The following CAMKK1 variants were observed in gnomAD, a reference collection of about 807,000 sequenced individuals.
CAMKK1 encodes the protein calcium/calmodulin-dependent protein kinase kinase 1.
CAMKK1 carries 20 observed loss-of-function variants against 63.5 expected under a neutral mutation model. That is an observed-to-expected ratio of 0.32 (90% CI 0.22 to 0.46). The LOEUF (loss-of-function observed/expected upper bound fraction) is 0.46, where lower values mean the gene tolerates loss of function less well. Among genes scored for constraint, CAMKK1 ranks in the 20% least tolerant of loss-of-function variants. The pLI is 1.00. For synonymous variants in CAMKK1, 253 were observed against 269.0 expected (o/e 0.94, Z 0.58); for missense variants, 588 against 658.1 (o/e 0.89, Z 1.17).
intron 10 of CAMKK1, among the ~76,000 whole-genome samples, chr17:3,874,345 T>A (rs1189245161): frequency 6.6e-6 from 1 of 152,136 alleles, no homozygotes; most frequent in East Asian, 1.9e-4. Flanking sequence ...GGACAACTGA[T>A]AACATTTAAA....
chr17:3,870,799 C>A (rs1443592157), intron 12 of CAMKK1, among the ~76,000 whole-genome samples: 1 of 152,058 alleles, frequency 6.6e-6, no homozygotes, highest in African/African-American at 2.4e-5. Context: ...TTTAAAATTC[C>A]TGGGCTGAGG....
Position 3,883,210 on chromosome 17 carries a change from AG to A in CAMKK1, c.515-36del. The stretch of plus-strand genomic sequence containing the variant: ...GGAAGAGAACTCAAACACCTGTTCC[AG>A]GTGGCTGGGCCTCACCGTGGCCCCC... On this transcript the variant is annotated intron_variant, in intron 5 of 15. Coordinates refer to ENST00000348335, the MANE Select transcript of CAMKK1 (RefSeq NM_032294.3). This position sits in a 1 kb window ranked among gnomAD's most constrained non-coding sequence, Gnocchi z 4.7. The A allele has an allele frequency of 6.2e-7, 1 of 1,605,630 alleles. No homozygotes were observed. The highest frequency in any genetic ancestry group is 8.5e-7 in the Non-Finnish European group (1 of 1,179,028).
intron 9 of CAMKK1, among the ~76,000 whole-genome samples, chr17:3,877,031 T>G (rs34900208): frequency 0.36 from 53,935 of 151,724 alleles, 10,309 homozygotes; most frequent in Non-Finnish European, 0.41. Context: ...GTGCTGGGAT[T>G]ACAGGCGTGA....
intron 12 of CAMKK1, among the ~76,000 whole-genome samples, chr17:3,871,667 C>T (rs1181272286): frequency 3.5e-5 from 5 of 142,628 alleles, no homozygotes; most frequent in African/African-American, 1.3e-4. Flanking sequence ...TATTCAGTTT[C>T]TTTCTTCTGT....
At position 3,882,143 on chromosome 17, in the gene CAMKK1, T is replaced by C; in HGVS notation, c.685+385A>G. On this transcript the variant is annotated intron_variant, in intron 7 of 15. Transcript: ENST00000348335. This position sits in a 1 kb window ranked among gnomAD's most constrained non-coding sequence, Gnocchi z 4.3. ...TTTACATATAATTACTCATTTACTC[T>C]TCACAGGAACCCTATGAGGTAGACA... 1 of 689,382 alleles carries C rather than the reference T, an allele frequency of 1.5e-6. No individual in the cohort carries two copies. The highest frequency in any genetic ancestry group is 2.7e-5 in the Admixed American group (1 of 37,734). The allele number at this position is 689,382 out of a possible 1,614,324, so 42.7% of individuals were successfully genotyped here.
intron 14 of CAMKK1, among the ~76,000 whole-genome samples, chr17:3,868,210 C>A (rs1383302329): frequency 2.4e-4 from 4 of 16,452 alleles, no homozygotes; most frequent in African/African-American, 6.5e-4. Context: ...GATACGTGGG[C>A]TCTGGGGGAG....
At chr17:3,869,195 G>A (rs1423121334) in intron 14 of CAMKK1, among the ~76,000 whole-genome samples, 1 of 151,852 alleles carries the variant, frequency 6.6e-6, no homozygotes, top group Non-Finnish European at 1.5e-5. Context: ...CTGACCTCGT[G>A]ATCTGCCCGC....
chr17:3,892,991 T>TGCTGC lies in CAMKK1; in HGVS notation c.-101_-97dup, dbSNP rs2055959347. The TGCTGC allele has an allele frequency of 1.4e-5, 2 of 147,048 alleles. No individual in the cohort carries two copies. The highest frequency in any genetic ancestry group is 3.8e-4 in the South Asian group (2 of 5,320). 9.1% of individuals were successfully genotyped at this position (147,048 alleles called of 1,614,324 possible). On this transcript the variant is annotated 5_prime_UTR_variant, in exon 1 of 16. Coordinates refer to ENST00000348335, the MANE Select transcript of CAMKK1 (RefSeq NM_032294.3). The surrounding 1 kb of genome is among the most constrained non-coding windows in gnomAD (Gnocchi z 7.5). ...CCCGGCGGGCGGCCCCACTCGCTCC[T>TGCTGC]GCTGCGCGCCCCGCCCCGCCCCGCC...
chr17:3,867,696 G>C (rs920340321), intron 14 of CAMKK1, among the ~76,000 whole-genome samples: 1 of 152,124 alleles, frequency 6.6e-6, no homozygotes, highest in Admixed American at 6.6e-5. Context: ...GCTGGTCCCA[G>C]CTGGGCCGGG....
chr17:3,880,089 T>C (rs1285438415), intron 9 of CAMKK1: 4 of 508,338 alleles, frequency 7.9e-6, no homozygotes, highest in African/African-American at 3.9e-5. Context: ...AGAAGAAAGA[T>C]ACAGAACAGC....
At chr17:3,871,545 A>G (rs561001989) in intron 12 of CAMKK1, among the ~76,000 whole-genome samples, 1 of 147,210 alleles carries the variant, frequency 6.8e-6, no homozygotes, top group Non-Finnish European at 1.5e-5. Flanking sequence ...TTTAGTAGAG[A>G]TGGGGTTTCA....
chr17:3,884,166 G>A lies in CAMKK1; in HGVS notation c.408+214C>T, dbSNP rs1303316094. ...TCCATGCCTCCCTCAGTCCCTCCTT[G>A]TCCACTGTCAAGAACTCAGAGAGTC... On this transcript the variant is annotated intron_variant, in intron 3 of 15. Coordinates refer to ENST00000348335, the MANE Select transcript of CAMKK1 (RefSeq NM_032294.3). This position sits in a 1 kb window ranked among gnomAD's most constrained non-coding sequence, Gnocchi z 4.5. 1.3e-5 allele frequency among the ~76,000 whole-genome samples: 2 copies of A among 152,048 alleles called. No homozygotes were observed. Among genetic ancestry groups the A allele is most frequent in the African/African-American group, 4.8e-5 (2 of 41,392 alleles).
chr17:3,865,160 G>A, intron 15 of CAMKK1: 2 of 985,644 alleles, frequency 2.0e-6, no homozygotes, highest in Non-Finnish European at 1.2e-6. Flanking sequence ...GGCCTTATTA[G>A]CATCCCAGAC....
In CAMKK1 at chr17:3,889,024, C is replaced by T. The variant is rs113484478; in HGVS notation, c.-43-3294G>A. ...GCAGGTGTGTTTATGCGCCTGTGTG[C>T]CTGCAGGTCTCCGTGTACCTATGCC... On this transcript the variant is annotated intron_variant, in intron 1 of 15. Transcript: ENST00000348335. The surrounding 1 kb of genome is among the most constrained non-coding windows in gnomAD (Gnocchi z 5.2). Among the ~76,000 whole-genome samples the T allele has an allele frequency of 6.6e-6, 1 of 152,100 alleles. No homozygotes were observed. Among genetic ancestry groups the T allele is most frequent in the Admixed American group, 6.5e-5 (1 of 15,292 alleles).
At position 3,890,551 on chromosome 17, in the gene CAMKK1, C is replaced by T. The variant is rs1042186917; in HGVS notation, c.-44+2388G>A. 4 of 732,998 alleles carry T rather than the reference C, an allele frequency of 5.5e-6. No individual in the cohort carries two copies. Among genetic ancestry groups the T allele is most frequent in the African/African-American group, 1.7e-5 (1 of 58,338 alleles). The allele number at this position is 732,998 out of a possible 1,614,324, so 45.4% of individuals were successfully genotyped here. On this transcript the variant is annotated intron_variant, in intron 1 of 15. Coordinates refer to ENST00000348335, the MANE Select transcript of CAMKK1 (RefSeq NM_032294.3). This position sits in a 1 kb window ranked among gnomAD's most constrained non-coding sequence, Gnocchi z 6.5. ...CAACTCAGCATCTTCCCCAAACCTG[C>T]TCGTCCTCCTCTGTCTCCATTGCGA...
chr17:3,871,571 T>C lies in CAMKK1; in HGVS notation c.1124+983A>G, dbSNP rs554178290. ...TGGGGTTTCACCGTGTTAGCCAGGATGGTCTCGATCTCCTGACCTCGTGAT... is the reference window on the plus strand; with the variant it reads ...TGGGGTTTCACCGTGTTAGCCAGGACGGTCTCGATCTCCTGACCTCGTGAT... On this transcript the variant is annotated intron_variant, in intron 12 of 15. Coordinates refer to ENST00000348335, the MANE Select transcript of CAMKK1 (RefSeq NM_032294.3). 3.2e-4 allele frequency among the ~76,000 whole-genome samples: 48 copies of C among 150,200 alleles called. 1 individual carries two copies. In the East Asian group the frequency reaches 4.1e-3, roughly 13 times the overall value.
intron 12 of CAMKK1, among the ~76,000 whole-genome samples, chr17:3,871,408 G>A (rs1219447517): frequency 2.3e-5 from 3 of 128,932 alleles, no homozygotes; most frequent in Non-Finnish European, 4.7e-5. Flanking sequence ...AGGCTGGAGT[G>A]CAGTAGCACG....
In CAMKK1 at chr17:3,871,563, A is replaced by G. The variant is rs187184769; in HGVS notation, c.1124+991T>C. On this transcript the variant is annotated intron_variant, in intron 12 of 15. Coordinates refer to ENST00000348335, the MANE Select transcript of CAMKK1 (RefSeq NM_032294.3). Reference sequence around the variant, plus strand: ...AGTAGAGATGGGGTTTCACCGTGTTAGCCAGGATGGTCTCGATCTCCTGAC... The same window carrying G: ...AGTAGAGATGGGGTTTCACCGTGTTGGCCAGGATGGTCTCGATCTCCTGAC... Among the ~76,000 whole-genome samples, 1,000 of 146,330 alleles carry G rather than the reference A, an allele frequency of 6.8e-3. 48 individuals carry two copies. The highest frequency in any genetic ancestry group is 0.022 in the African/African-American group (836 of 38,834).
Position 3,884,313 on chromosome 17 carries a change from G to T in CAMKK1, c.408+67C>A. ...CTCTGCCTCCCGTTCCCTCCCACAC[G>T]AGAGAAGGAGCAGCGCCAAACAGAG... On this transcript the variant is annotated intron_variant, in intron 3 of 15. Coordinates refer to ENST00000348335, the MANE Select transcript of CAMKK1 (RefSeq NM_032294.3). This position sits in a 1 kb window ranked among gnomAD's most constrained non-coding sequence, Gnocchi z 4.5. 1 of 1,549,004 alleles carries T rather than the reference G, an allele frequency of 6.5e-7. No individual in the cohort carries two copies. Among genetic ancestry groups the T allele is most frequent in the Non-Finnish European group, 8.9e-7 (1 of 1,122,152 alleles).
Sources: gnomAD v4.1 joint callset for allele counts (sites outside exome capture counted in the v4.1 genomes callset) on GRCh38, gnomAD v4.1.1 for gene constraint, Gnocchi (gnomAD v3.1) non-coding constraint, MANE v1.5 for transcripts, NCBI Gene and HGNC (gene_info 2026-07-23, HGNC 2026-07-21) for gene names.